The following LRP1B variants were observed in gnomAD, a reference collection of about 807,000 sequenced individuals.
LRP1B encodes LDL receptor related protein 1B.
Under a neutral mutation model 556.6 loss-of-function variants are expected in LRP1B, and 217 were observed. The ratio of observed to expected loss-of-function variants is 0.39; its 90% CI spans 0.35 to 0.44. The LOEUF (loss-of-function observed/expected upper bound fraction) is 0.44. Ranked by LOEUF, LRP1B falls within the 20% of genes least tolerant of loss-of-function variation. LRP1B has a pLI of 1.00. For synonymous variants in LRP1B, 2,047 were observed against 1,865.8 expected (o/e 1.10, Z -2.50); for missense variants, 5,053 against 5,620.8 (o/e 0.90, Z 3.23).
intron 58 of LRP1B, among the ~76,000 whole-genome samples, 170 bp downstream of exon 58, chr2:140,487,447 A>G (rs1688515431): frequency 6.6e-6 from 1 of 151,954 alleles, no homozygotes; most frequent in Non-Finnish European, 1.5e-5. Flanking sequence ...ATAAGAATAA[A>G]AGGTCTCATT....
At chr2:140,622,160 C>T (rs1021140825) in intron 41 of LRP1B, among the ~76,000 whole-genome samples, 10 of 152,250 alleles carry the variant, frequency 6.6e-5, no homozygotes, top group Admixed American at 2.6e-4. Flanking sequence ...AAAATTATTG[C>T]ACAACAAACT....
At chr2:141,146,859 A>T (rs566292788) in intron 7 of LRP1B, among the ~76,000 whole-genome samples, 65 of 152,306 alleles carry the variant, frequency 4.3e-4, no homozygotes, top group Non-Finnish European at 8.4e-4. Context: ...ACAAGTAAAA[A>T]GACGAGCTGT....
In LRP1B at chr2:141,221,292, A is replaced by T. The variant is rs1177139817; in HGVS notation, c.850+7891T>A. On this transcript the variant is annotated intron_variant, in intron 6 of 90. Transcript: ENST00000389484. ...AGCAGACTAAGCCAACAAAGATAAA[A>T]AAAAAAAAAAAAAAAACCAAAGGGC... is the stretch of plus-strand genomic sequence containing the variant. 3.2e-3 allele frequency among the ~76,000 whole-genome samples: 39 copies of T among 12,110 alleles called. No homozygotes were observed. In the Admixed American group the frequency reaches 0.061, roughly 19 times the overall value. 7.9% of individuals were successfully genotyped at this position (12,110 alleles called of 152,430 possible). A position where few individuals can be genotyped will look rare whatever the true frequency, so the allele number is the denominator to read the frequency against.
chr2:141,957,617 G>T (rs1331371228), intron 1 of LRP1B, among the ~76,000 whole-genome samples: 1 of 151,796 alleles, frequency 6.6e-6, no homozygotes, highest in Non-Finnish European at 1.5e-5. Flanking sequence ...CAAAGCTCTG[G>T]CTCTCTGTGG....
chr2:141,505,121 C>G (rs1189900193), intron 2 of LRP1B, among the ~76,000 whole-genome samples: 2 of 151,808 alleles, frequency 1.3e-5, no homozygotes, highest in East Asian at 1.9e-4. Flanking sequence ...CTCTCCCCCT[C>G]TCTCTCTTCC....
At position 140,515,543 on chromosome 2, in the gene LRP1B, T is replaced by C. The variant is rs550534144; in HGVS notation, c.8150-771A>G. Among the ~76,000 whole-genome samples the C allele has an allele frequency of 2.0e-5, 3 of 152,182 alleles. No individual in the cohort carries two copies. In the South Asian group the frequency reaches 6.2e-4, roughly 31 times the overall value. On this transcript the variant is annotated intron_variant, in intron 50 of 90. Transcript: ENST00000389484. ...CTTCTAAATTAAGGTGTTCAAAATATAAACTCTTGTAAAAATAGCAATTCT... is the reference window on the plus strand; with the variant it reads ...CTTCTAAATTAAGGTGTTCAAAATACAAACTCTTGTAAAAATAGCAATTCT...
chr2:140,244,889 G>C (rs1681089032), intron 87 of LRP1B, among the ~76,000 whole-genome samples: 1 of 151,254 alleles, frequency 6.6e-6, no homozygotes, highest in Admixed American at 6.6e-5. Flanking sequence ...TCAAGTTTGG[G>C]GAAGGTTTGA....
intron 45 of LRP1B, among the ~76,000 whole-genome samples, chr2:140,540,082 AAG>A (rs1350033910): frequency 6.6e-6 from 1 of 152,084 alleles, no homozygotes; most frequent in Non-Finnish European, 1.5e-5. Flanking sequence ...TTCCAGTGGA[AAG>A]AGAGTAAAAA....
chr2:140,642,482 C>G (rs1391311612), intron 41 of LRP1B, among the ~76,000 whole-genome samples: 2 of 151,964 alleles, frequency 1.3e-5, no homozygotes, highest in South Asian at 2.1e-4. Flanking sequence ...GGGAGAGAAA[C>G]CTGAATTATC....
intron 3 of LRP1B, among the ~76,000 whole-genome samples, chr2:141,473,304 G>A (rs1224977720): frequency 6.6e-6 from 1 of 152,040 alleles, no homozygotes; most frequent in African/African-American, 2.4e-5. Context: ...TATATTTAGA[G>A]CAGTCCTCCA....
chr2:140,935,150 AT>A (rs1432133868), intron 20 of LRP1B, among the ~76,000 whole-genome samples: 1 of 152,150 alleles, frequency 6.6e-6, no homozygotes, highest in African/African-American at 2.4e-5. Context: ...TCAAAGACCC[AT>A]TCAAAGAAAA....
chr2:140,405,968 T>C (rs1038815877), intron 66 of LRP1B, among the ~76,000 whole-genome samples: 4 of 152,038 alleles, frequency 2.6e-5, no homozygotes, highest in Non-Finnish European at 5.9e-5. Flanking sequence ...TCGAATCCAA[T>C]AGCACATCAA....
At chr2:140,705,080 C>G (rs964958405) in intron 37 of LRP1B, among the ~76,000 whole-genome samples, 4 of 152,164 alleles carry the variant, frequency 2.6e-5, no homozygotes, top group African/African-American at 4.8e-5. Context: ...GAACCACACT[C>G]AGGCTTTACT....
intron 37 of LRP1B, among the ~76,000 whole-genome samples, chr2:140,708,601 C>T (rs1686924597): frequency 6.6e-6 from 1 of 151,568 alleles, no homozygotes; most frequent in South Asian, 2.1e-4. Context: ...TGTGTTTACA[C>T]CCTGCCTCAT....
chr2:141,243,139 A>AT (rs200059722), intron 5 of LRP1B, among the ~76,000 whole-genome samples: 1,495 of 94,752 alleles, frequency 0.016, 10 homozygotes, highest in Middle Eastern at 0.03. Context: ...ATTTATTATT[A>AT]TTTTTATTTT....
intron 35 of LRP1B, among the ~76,000 whole-genome samples, chr2:140,758,783 A>C (rs909832134): frequency 6.6e-6 from 1 of 152,096 alleles, no homozygotes; most frequent in Non-Finnish European, 1.5e-5. Context: ...GAGTAAAGAA[A>C]AAAAATTATA....
At chr2:141,032,962 C>T (rs1698420412) in intron 11 of LRP1B, among the ~76,000 whole-genome samples, 1 of 151,762 alleles carries the variant, frequency 6.6e-6, no homozygotes, top group Non-Finnish European at 1.5e-5. Flanking sequence ...TACATGGGTG[C>T]CCCAACAAAA....
chr2:141,691,785 C>G (rs1218837763), intron 2 of LRP1B, among the ~76,000 whole-genome samples: 1 of 151,910 alleles, frequency 6.6e-6, no homozygotes, highest in Non-Finnish European at 1.5e-5. Context: ...TATTTCCTCC[C>G]CAAACTCCAT....
intron 1 of LRP1B, among the ~76,000 whole-genome samples, chr2:141,937,889 A>G (rs1574509332): frequency 6.6e-6 from 1 of 152,148 alleles, no homozygotes; most frequent in South Asian, 2.1e-4. Context: ...ATAAGGATCC[A>G]GTTTCATTCT....
Sources: gnomAD v4.1 joint callset for allele counts (sites outside exome capture counted in the v4.1 genomes callset) on GRCh38, gnomAD v4.1.1 for gene constraint, MANE v1.5 for transcripts, NCBI Gene and HGNC (gene_info 2026-07-23, HGNC 2026-07-21) for gene names.